MYO3A: variants seen among roughly 807,000 people sequenced by gnomAD.
MYO3A encodes myosin-IIIa.
MYO3A carries 180 observed loss-of-function variants against 192.7 expected under a neutral mutation model. The observed-to-expected ratio is 0.93, with a 90% CI of 0.83 to 1.06. The LOEUF (loss-of-function observed/expected upper bound fraction) is 1.06. Ranked by LOEUF, MYO3A falls within the 50% of genes least tolerant of loss-of-function variation. The pLI is 0.00. For missense variants in MYO3A, 1,896 were observed against 1,905.0 expected (o/e 1.00, Z 0.09); for synonymous variants, 628 against 645.3 (o/e 0.97, Z 0.41).
At chr10:25,956,178 G>C (rs557569205) in intron 4 of MYO3A, among the ~76,000 whole-genome samples, 4 of 152,202 alleles carry the variant, frequency 2.6e-5, no homozygotes, top group African/African-American at 9.6e-5. Context: ...TGCCTTCATG[G>C]CCTAATTACC....
At chr10:26,169,446 A>G (rs1841933245) in intron 28 of MYO3A, among the ~76,000 whole-genome samples, 3 of 151,646 alleles carry the variant, frequency 2.0e-5, no homozygotes, top group African/African-American at 7.3e-5. Context: ...AATTTTTTTG[A>G]CTGGATACTT....
intron 14 of MYO3A, among the ~76,000 whole-genome samples, chr10:26,081,365 C>T (rs757732165): frequency 6.6e-6 from 1 of 152,064 alleles, no homozygotes; most frequent in Non-Finnish European, 1.5e-5. Context: ...CAGTCAAAGG[C>T]CTCACCCAGC....
intron 2 of MYO3A, among the ~76,000 whole-genome samples, chr10:25,943,716 T>C (rs1564390990): frequency 6.6e-6 from 1 of 151,856 alleles, no homozygotes; most frequent in Non-Finnish European, 1.5e-5. Context: ...GATTTTTGCA[T>C]GTTGATTTTG....
chr10:26,027,637 G>A (rs1018877869), intron 10 of MYO3A, among the ~76,000 whole-genome samples: 5 of 152,102 alleles, frequency 3.3e-5, no homozygotes, highest in African/African-American at 1.2e-4. Context: ...GAGCCACTGC[G>A]CCCAGCCAAA....
intron 10 of MYO3A, among the ~76,000 whole-genome samples, chr10:26,027,000 A>T (rs968523221): frequency 6.6e-6 from 1 of 152,184 alleles, no homozygotes; most frequent in Admixed American, 6.5e-5. Context: ...GCACTTTTTA[A>T]ACAACTTTGT....
chr10:26,047,727 A>T (rs1388361531), intron 10 of MYO3A, among the ~76,000 whole-genome samples: 1 of 152,088 alleles, frequency 6.6e-6, no homozygotes, highest in Non-Finnish European at 1.5e-5. Context: ...GTGAGCCGAG[A>T]TTGCACCACT....
At chr10:26,034,880 T>C (rs1842954809) in intron 10 of MYO3A, among the ~76,000 whole-genome samples, 1 of 149,752 alleles carries the variant, frequency 6.7e-6, no homozygotes, top group East Asian at 1.9e-4. Flanking sequence ...TTAATATATG[T>C]GGACATTTAT....
chr10:26,102,042 C>T (rs1057281610), intron 17 of MYO3A, among the ~76,000 whole-genome samples: 5 of 152,174 alleles, frequency 3.3e-5, no homozygotes, highest in Non-Finnish European at 5.9e-5. Context: ...ACCAATCAGA[C>T]GTAGATTTGA....
At chr10:26,026,829 G>T (rs1842572844) in intron 10 of MYO3A, among the ~76,000 whole-genome samples, 1 of 152,164 alleles carries the variant, frequency 6.6e-6, no homozygotes, top group Non-Finnish European at 1.5e-5. Context: ...AGCCTCCCTA[G>T]TAGCTGGGAT....
chr10:25,983,292 G>A lies in MYO3A; in HGVS notation c.304-13198G>A, dbSNP rs1028817741. ...TTTTTTTGAGACAAATTCCCACTCT[G>A]TCACCCAGGCTGGAGTGCAGTGGTG... On this transcript the variant is annotated intron_variant, in intron 4 of 34. Transcript: ENST00000642920. Among the ~76,000 whole-genome samples the A allele has an allele frequency of 2.7e-5, 4 of 150,764 alleles. No individual in the cohort carries two copies. The South Asian group carries it at 6.3e-4, about 24-fold the overall frequency.
rs1346197951 is a variant in MYO3A at position 26,016,842 on chromosome 10, T to G, written c.531T>G (p.Ser177Arg). ...VDFGVSAQLT[S>R]TRHRRNTSVG... is the part of the protein sequence containing the mutation. Reference sequence around the variant, plus strand: ...TAGGTGTGTCTGCACAGCTCACCAGTACCCGGCACCGTCGGAACACATCCG... The same window carrying G: ...TAGGTGTGTCTGCACAGCTCACCAGGACCCGGCACCGTCGGAACACATCCG... The change falls in exon 7 of 35, where the codon AGT becomes AGG. Residue 177 changes from serine (S) to arginine (R), a missense_variant. Ser to Arg is a moderately radical substitution (Grantham distance 110). Coordinates refer to ENST00000642920, the MANE Select transcript of MYO3A (RefSeq NM_017433.5). 14 of 1,614,202 alleles carry G rather than the reference T, an allele frequency of 8.7e-6. No individual in the cohort carries two copies. Among genetic ancestry groups the G allele is most frequent in the Non-Finnish European group, 1.1e-5 (13 of 1,180,012 alleles).
In MYO3A at chr10:25,952,132, A is replaced by G. The variant is rs758079595; in HGVS notation, c.22A>G (p.Thr8Ala). 1.2e-6 allele frequency: 2 copies of G among 1,611,810 alleles called. No homozygotes were observed. Among genetic ancestry groups the G allele is most frequent in the Non-Finnish European group, 1.7e-6 (2 of 1,178,442 alleles). MFPLIGKTIIFDNFPDPS... is the reference protein window; with the variant it reads MFPLIGKAIIFDNFPDPS... ...TGAGATGTTTCCATTAATTGGAAAA[A>G]CAATCATCTTTGATAACTTTCCTGA... The change falls in exon 3 of 35, where the codon ACA (threonine) becomes GCA (alanine). Residue 8 changes from threonine (T) to alanine (A), a missense_variant. Physicochemically the swap from Thr to Ala is moderately conservative, Grantham distance 58. Transcript: ENST00000642920.
At chr10:26,017,486 C>G (rs753453981) in intron 7 of MYO3A, among the ~76,000 whole-genome samples, 5 of 151,964 alleles carry the variant, frequency 3.3e-5, no homozygotes, top group South Asian at 4.1e-4. Flanking sequence ...TATGAAGGAC[C>G]CTTATTTTTG....
chr10:26,100,604 G>A (rs1041842077), intron 17 of MYO3A, among the ~76,000 whole-genome samples: 5 of 152,152 alleles, frequency 3.3e-5, no homozygotes, highest in African/African-American at 1.2e-4. Flanking sequence ...GGTATGTTGT[G>A]TCTTCATTCT....
In MYO3A at chr10:26,068,746, AAATT is replaced by A; in HGVS notation, c.1054-20_1054-17del. The A allele has an allele frequency of 6.9e-7, 1 of 1,449,942 alleles. No individual in the cohort carries two copies. Among genetic ancestry groups the A allele is most frequent in the African/African-American group, 1.4e-5 (1 of 71,784 alleles). 89.8% of individuals were successfully genotyped at this position (1,449,942 alleles called of 1,614,324 possible). On this transcript the variant is annotated intron_variant, in intron 11 of 34. Coordinates refer to ENST00000642920, the MANE Select transcript of MYO3A (RefSeq NM_017433.5). ...ACCACAAATAATTTTTAAGAAGGAG[AAATT>A]ATTTTATTTTATTGCAGAATACAGT...
chr10:26,122,219 A>G (rs2131710755), intron 18 of MYO3A, among the ~76,000 whole-genome samples: 1 of 152,318 alleles, frequency 6.6e-6, no homozygotes, highest in South Asian at 2.1e-4. Flanking sequence ...CATACTAAAA[A>G]ATGATTTTGA....
chr10:26,099,717 T>G (rs978351267), intron 17 of MYO3A, among the ~76,000 whole-genome samples: 3 of 152,224 alleles, frequency 2.0e-5, no homozygotes, highest in African/African-American at 4.8e-5. Flanking sequence ...TTACATATAT[T>G]GATTTGCATA....
intron 2 of MYO3A, among the ~76,000 whole-genome samples, chr10:25,938,626 C>G (rs1836272224): frequency 6.6e-6 from 1 of 151,898 alleles, no homozygotes; most frequent in African/African-American, 2.4e-5. Context: ...AGAAGTGGGT[C>G]CATAAAGGGA....
At chr10:25,995,064 T>C (rs1183272673) in intron 4 of MYO3A, among the ~76,000 whole-genome samples, 1 of 152,228 alleles carries the variant, frequency 6.6e-6, no homozygotes, top group African/African-American at 2.4e-5. Flanking sequence ...CCTGCCTTGC[T>C]TGGTTGGGGA....
Sources: gnomAD v4.1 joint callset for allele counts (sites outside exome capture counted in the v4.1 genomes callset) on GRCh38, gnomAD v4.1.1 for gene constraint, MANE v1.5 for transcripts, NCBI Gene and HGNC (gene_info 2026-07-23, HGNC 2026-07-21) for gene names.